The following PSMB9 variants were observed in gnomAD, a reference collection of about 807,000 sequenced individuals.
The protein encoded by PSMB9 is proteasome subunit beta type-9.
PSMB9 carries 16 observed loss-of-function variants against 26.9 expected under a neutral mutation model. The ratio of observed to expected loss-of-function variants is 0.59; its 90% CI spans 0.40 to 0.90. The LOEUF (loss-of-function observed/expected upper bound fraction) is 0.90. Among genes scored for constraint, PSMB9 ranks in the 40% least tolerant of loss-of-function variants. The pLI is 0.00. For synonymous variants in PSMB9, 91 were observed against 112.0 expected (o/e 0.81, Z 1.18); for missense variants, 253 against 292.2 (o/e 0.87, Z 0.98).
At chr6:32,856,274 C>G in intron 2 of PSMB9, 69 bp downstream of exon 2, 1 of 1,490,046 alleles carries the variant, frequency 6.7e-7, no homozygotes, top group East Asian at 2.3e-5. Context: ...TTTCCTTACC[C>G]ATTCATGAAA....
Position 32,858,758 on chromosome 6 carries a change from A to C in PSMB9, c.532+253A>C, listed in dbSNP as rs1188681537. ...CACTGTGAGAACCAGTGGTGTGCTA[A>C]GCACAGTGGCTCACACCTGTAATGC... is the stretch of plus-strand genomic sequence containing the variant. On this transcript the variant is annotated intron_variant, in intron 5 of 5. Coordinates refer to ENST00000374859, the MANE Select transcript of PSMB9 (RefSeq NM_002800.5). The surrounding 1 kb of genome is among the most constrained non-coding windows in gnomAD (Gnocchi z 5.2). 8.7e-6 allele frequency: 5 copies of C among 576,310 alleles called. No homozygotes were observed. The highest frequency in any genetic ancestry group is 1.2e-5 in the Non-Finnish European group (4 of 323,664). 35.7% of individuals were successfully genotyped at this position (576,310 alleles called of 1,614,324 possible).
chr6:32,858,210 T>C lies in PSMB9; in HGVS notation c.390+76T>C. 1 of 1,600,956 alleles carries C rather than the reference T, an allele frequency of 6.2e-7. No individual in the cohort carries two copies. On this transcript the variant is annotated intron_variant, in intron 4 of 5. Transcript: ENST00000374859. This position sits in a 1 kb window ranked among gnomAD's most constrained non-coding sequence, Gnocchi z 5.2. The stretch of plus-strand genomic sequence containing the variant: ...AGAGGAAGATGGAAGTCCTATGTCA[T>C]TCTAGCAATGAGTTCCAAGGACACT...
rs542897261 is a variant in PSMB9 at position 32,858,462 on chromosome 6, G to A, written c.489G>A (p.Lys163=). ...ATGGTTATGTGGATGCAGCATATAA[G>A]CCAGGCATGTCTCCCGAGGAGTGCA... ...FIYGYVDAAY[K]PGMSPEECRR... is the part of the protein sequence containing the mutation. The change falls in exon 5 of 6, where the codon AAG becomes AAA. Residue 163 remains lysine, a synonymous_variant. Transcript: ENST00000374859. This position sits in a 1 kb window ranked among gnomAD's most constrained non-coding sequence, Gnocchi z 5.2. 44 of 1,613,012 alleles carry A rather than the reference G, an allele frequency of 2.7e-5. 1 individual carries two copies. Among genetic ancestry groups the A allele is most frequent in the Middle Eastern group, 3.3e-4 (2 of 6,054 alleles).
At chr6:32,857,800 G>T in intron 3 of PSMB9, 1 of 626,196 alleles carries the variant, frequency 1.6e-6, no homozygotes, top group Admixed American at 3.1e-5. Context: ...TATGTGGGTG[G>T]GGCTGAGCAA....
At chr6:32,857,220 A>C (rs1024233902) in intron 2 of PSMB9, 43 bp from the exon 3 acceptor site, 2 of 1,517,316 alleles carry the variant, frequency 1.3e-6, no homozygotes, top group Non-Finnish European at 1.8e-6. Flanking sequence ...AAAAAAAAAA[A>C]ACCTGAGTTT....
intron 2 of PSMB9, chr6:32,856,492 C>A: frequency 2.7e-6 from 1 of 368,008 alleles, no homozygotes; most frequent in Non-Finnish European, 4.9e-6. Flanking sequence ...TGAGGGTCTT[C>A]TTTCCATCTG....
rs1308478075 is a variant in PSMB9 at position 32,854,197 on chromosome 6, C to T, written c.-33C>T. The stretch of plus-strand genomic sequence containing the variant: ...GCTGTCCCAGGTTGGAAACCAGTGC[C>T]CCAGGCGGCGAGGAGAGCGGTGCCT... On this transcript the variant is annotated 5_prime_UTR_variant, in exon 1 of 6. Transcript: ENST00000374859. The surrounding 1 kb of genome is among the most constrained non-coding windows in gnomAD (Gnocchi z 4.6). 3 of 1,544,558 alleles carry T rather than the reference C, an allele frequency of 1.9e-6. No homozygotes were observed. The highest frequency in any genetic ancestry group is 1.4e-5 in the African/African-American group (1 of 72,720).
chr6:32,859,323 A>G, intron 5 of PSMB9, 82 bp from the exon 6 acceptor site: 4 of 1,464,238 alleles, frequency 2.7e-6, no homozygotes, highest in Non-Finnish European at 3.7e-6. Context: ...GGTAGTAGGC[A>G]TATGGATGGA....
chr6:32,854,801 C>G lies in PSMB9; in HGVS notation c.60+512C>G, dbSNP rs1443838753. Among the ~76,000 whole-genome samples the G allele has an allele frequency of 2.0e-5, 3 of 152,216 alleles. No homozygotes were observed. Among genetic ancestry groups the G allele is most frequent in the Non-Finnish European group, 4.4e-5 (3 of 68,028 alleles). ...ACTGATAATGGGCGTTCTGTGTTAA[C>G]TAGTGATGCCCTTCCCTAGCTTGAC... On this transcript the variant is annotated intron_variant, in intron 1 of 5. Transcript: ENST00000374859. This position sits in a 1 kb window ranked among gnomAD's most constrained non-coding sequence, Gnocchi z 4.6.
In PSMB9 at chr6:32,857,371, C is replaced by G; in HGVS notation, c.237C>G (p.Ala79=). Reference sequence around the variant, plus strand: ...ATGCCCAAGCCGTGGCCGACATGGCCGCCTACCAGCTGGAGCTCCATGGGT... The same window carrying G: ...ATGCCCAAGCCGTGGCCGACATGGCGGCCTACCAGCTGGAGCTCCATGGGT... ...AADAQAVADM[A]AYQLELHGIE... Residue 79 remains alanine, a synonymous_variant, in exon 3 of 6, where the codon GCC becomes GCG. Transcript: ENST00000374859. 2 of 1,612,532 alleles carry G rather than the reference C, an allele frequency of 1.2e-6. No individual in the cohort carries two copies. Among genetic ancestry groups the G allele is most frequent in the Non-Finnish European group, 1.7e-6 (2 of 1,180,010 alleles).
In PSMB9 at chr6:32,854,300, T is replaced by A. The variant is rs1274363564; in HGVS notation, c.60+11T>A. On this transcript the variant is annotated intron_variant, in intron 1 of 5. Transcript: ENST00000374859. This position sits in a 1 kb window ranked among gnomAD's most constrained non-coding sequence, Gnocchi z 4.6. ...GAAGTCCACACCGGGGTAATGGGTC[T>A]GGGCTTGAGGGTTGGCAGAGGGGTG... 6.7e-7 allele frequency: 1 copy of A among 1,481,646 alleles called. No individual in the cohort carries two copies. Among genetic ancestry groups the A allele is most frequent in the Non-Finnish European group, 8.9e-7 (1 of 1,118,638 alleles). The allele number at this position is 1,481,646 out of a possible 1,614,324, so 91.8% of individuals were successfully genotyped here.
rs1771257342 is a variant in PSMB9, at chr6:32,858,190, A to G, written c.390+56A>G. The G allele has an allele frequency of 6.2e-7, 1 of 1,607,890 alleles. No individual in the cohort carries two copies. Among genetic ancestry groups the G allele is most frequent in the South Asian group, 1.1e-5 (1 of 90,636 alleles). ...GGGCTTCCCCACTCTCCTGCAGAGGAAGATGGAAGTCCTATGTCATTCTAG... is the reference window on the plus strand; with the variant it reads ...GGGCTTCCCCACTCTCCTGCAGAGGGAGATGGAAGTCCTATGTCATTCTAG... On this transcript the variant is annotated intron_variant, in intron 4 of 5. Coordinates refer to ENST00000374859, the MANE Select transcript of PSMB9 (RefSeq NM_002800.5). The surrounding 1 kb of genome is among the most constrained non-coding windows in gnomAD (Gnocchi z 5.2).
chr6:32,857,440 C>T, intron 3 of PSMB9, 46 bp downstream of exon 3: 2 of 1,590,796 alleles, frequency 1.3e-6, no homozygotes, highest in Non-Finnish European at 1.7e-6. Flanking sequence ...AGAGCTCCCC[C>T]AACCTGCATG....
chr6:32,855,628 A>G (rs773251477), intron 1 of PSMB9, among the ~76,000 whole-genome samples: 8 of 151,566 alleles, frequency 5.3e-5, no homozygotes, highest in South Asian at 2.1e-4. Context: ...ATTTTTTCCA[A>G]TGTTCAGTAA....
At chr6:32,857,502 G>A in intron 3 of PSMB9, 108 bp downstream of exon 3, 3 of 1,346,986 alleles carry the variant, frequency 2.2e-6, no homozygotes, top group Non-Finnish European at 2.9e-6. Flanking sequence ...AAATGGAAAA[G>A]TCTTGTTTCG....
In PSMB9 at chr6:32,857,403, C is replaced by T; in HGVS notation, c.260+9C>T. ...CAGCTGGAGCTCCATGGGTATGAAG[C>T]TCTGGAGTTCTGACTCCCCACCCAC... On this transcript the variant is annotated intron_variant, in intron 3 of 5. Transcript: ENST00000374859. 1 of 1,610,646 alleles carries T rather than the reference C, an allele frequency of 6.2e-7. No homozygotes were observed. The highest frequency in any genetic ancestry group is 1.1e-5 in the South Asian group (1 of 90,922).
chr6:32,856,238 AG>A, intron 2 of PSMB9, 33 bp downstream of exon 2: 1 of 1,589,574 alleles, frequency 6.3e-7, no homozygotes, highest in East Asian at 2.2e-5. Flanking sequence ...GCATTTGGAA[AG>A]AAGCTAATGG....
rs1771265146 is a variant in PSMB9 at position 32,858,364 on chromosome 6, G to A, written c.391G>A (p.Val131Ile). 6.2e-7 allele frequency: 1 copy of A among 1,612,898 alleles called. No individual in the cohort carries two copies. Among genetic ancestry groups the A allele is most frequent in the Admixed American group, 1.7e-5 (1 of 60,022 alleles). The change falls in exon 5 of 6, where the codon GTA (valine) becomes ATA (isoleucine). Residue 131 changes from valine to isoleucine, a missense_variant and splice_region_variant. Transcript: ENST00000374859. This position sits in a 1 kb window ranked among gnomAD's most constrained non-coding sequence, Gnocchi z 5.2. ...TTTAACCTGAGGATCCCTTTCCCAG[G>A]TATATGGAACCCTGGGAGGAATGCT... ...AGWDQREGGQ[V>I]YGTLGGMLTR...
At position 32,859,619 on chromosome 6, in the gene PSMB9, G is replaced by A; in HGVS notation, c.*87G>A. On this transcript the variant is annotated 3_prime_UTR_variant, in exon 6 of 6. Coordinates refer to ENST00000374859, the MANE Select transcript of PSMB9 (RefSeq NM_002800.5). ...GGTCATTGGGAAATGAGTGCTCAGG[G>A]AGATGGAGCTTAGGGGAGGTGGGTG... 1 of 1,495,190 alleles carries A rather than the reference G, an allele frequency of 6.7e-7. No homozygotes were observed. The highest frequency in any genetic ancestry group is 9.1e-7 in the Non-Finnish European group (1 of 1,098,060). The allele number at this position is 1,495,190 out of a possible 1,614,324, so 92.6% of individuals were successfully genotyped here.
Sources: gnomAD v4.1 joint callset for allele counts (sites outside exome capture counted in the v4.1 genomes callset) on GRCh38, gnomAD v4.1.1 for gene constraint, Gnocchi (gnomAD v3.1) non-coding constraint, MANE v1.5 for transcripts, NCBI Gene and HGNC (gene_info 2026-07-23, HGNC 2026-07-21) for gene names.